The following NAALADL2 variants were observed in gnomAD, a reference collection of about 807,000 sequenced individuals.
The protein encoded by NAALADL2 is inactive N-acetylated-alpha-linked acidic dipeptidase-like protein 2.
In NAALADL2, 76 loss-of-function variants were observed where a neutral mutation model predicts 87.2. The ratio of observed to expected loss-of-function variants is 0.87; its 90% CI spans 0.72 to 1.05. NAALADL2 has a LOEUF of 1.05. Among genes scored for constraint, NAALADL2 ranks in the 50% least tolerant of loss-of-function variants. The pLI, the probability that NAALADL2 is intolerant of heterozygous loss-of-function variation, is 0.00. For missense variants in NAALADL2, 1,089 were observed against 945.8 expected, an observed-to-expected ratio of 1.15 and a Z score of -1.99; for synonymous variants, 354 against 331.0, an observed-to-expected ratio of 1.07 and a Z score of -0.75.
chr3:175,264,709 G>A (rs957558699), intron 4 of NAALADL2, among the ~76,000 whole-genome samples: 1 of 151,536 alleles, frequency 6.6e-6, no homozygotes, highest in African/African-American at 2.4e-5. Flanking sequence ...TATAAATAAT[G>A]TCATAAGATG....
At chr3:175,460,219 T>C (rs528382918) in intron 6 of NAALADL2, 7 of 455,118 alleles carry the variant, frequency 1.5e-5, no homozygotes, top group South Asian at 1.1e-4. Flanking sequence ...CTGATATTTA[T>C]TATTAAAATT....
At chr3:175,651,141 C>T (rs1000845141) in intron 11 of NAALADL2, among the ~76,000 whole-genome samples, 11 of 151,740 alleles carry the variant, frequency 7.2e-5, no homozygotes, top group African/African-American at 2.2e-4. Context: ...GTGTATAATT[C>T]GTGTATTTTA....
chr3:174,965,969 A>G (rs73881572), intron 1 of NAALADL2, among the ~76,000 whole-genome samples: 124 of 152,270 alleles, frequency 8.1e-4, no homozygotes, highest in African/African-American at 2.9e-3. Context: ...TGAATTTGCT[A>G]TGGAAGTTAA....
chr3:174,718,384 C>G (rs1244667758), intron 2 of NAALADL2, among the ~76,000 whole-genome samples: 1 of 152,084 alleles, frequency 6.6e-6, no homozygotes, highest in East Asian at 1.9e-4. Context: ...CAGTCATGAT[C>G]TGTACAACTC....
intron 9 of NAALADL2, among the ~76,000 whole-genome samples, chr3:175,559,915 TTGTC>T (rs1243604564): frequency 6.6e-6 from 1 of 152,178 alleles, no homozygotes; most frequent in Non-Finnish European, 1.5e-5. Context: ...TTATGTGTCT[TTGTC>T]TGGTTTTGGT....
At chr3:175,617,924 C>T (rs1725570825) in intron 10 of NAALADL2, among the ~76,000 whole-genome samples, 1 of 152,122 alleles carries the variant, frequency 6.6e-6, no homozygotes, top group African/African-American at 2.4e-5. Context: ...GAAAGTGTTT[C>T]CTCTTCCATT....
At chr3:175,533,383 G>A (rs1188158519) in intron 9 of NAALADL2, among the ~76,000 whole-genome samples, 4 of 152,306 alleles carry the variant, frequency 2.6e-5, no homozygotes, top group African/African-American at 9.6e-5. Context: ...GGTGTTGGGG[G>A]TGGCTCCTGA....
intron 2 of NAALADL2, among the ~76,000 whole-genome samples, chr3:174,583,713 G>A (rs1716407613): frequency 6.6e-6 from 1 of 152,020 alleles, no homozygotes; most frequent in Non-Finnish European, 1.5e-5. Flanking sequence ...TGTCTATAAT[G>A]CATACACTGA....
At chr3:175,191,248 A>AATT (rs1296913024) in intron 2 of NAALADL2, among the ~76,000 whole-genome samples, 2 of 151,592 alleles carry the variant, frequency 1.3e-5, no homozygotes, top group African/African-American at 4.9e-5. Context: ...ACTTTATGTA[A>AATT]ATTATTTTTT....
At chr3:174,824,824 G>A (rs1721806530) in intron 3 of NAALADL2, among the ~76,000 whole-genome samples, 1 of 152,178 alleles carries the variant, frequency 6.6e-6, no homozygotes, top group African/African-American at 2.4e-5. Flanking sequence ...ATAAATGGAG[G>A]ATACTGGAAA....
intron 2 of NAALADL2, among the ~76,000 whole-genome samples, chr3:175,110,596 G>A (rs1724027696): frequency 6.6e-6 from 1 of 151,728 alleles, no homozygotes; most frequent in Non-Finnish European, 1.5e-5. Context: ...TGGTACTTCT[G>A]TGGTAATCAT....
chr3:174,979,215 A>G (rs1352262464), intron 1 of NAALADL2, among the ~76,000 whole-genome samples: 2 of 142,962 alleles, frequency 1.4e-5, no homozygotes, highest in African/African-American at 5.3e-5. Context: ...AATTTTTCTT[A>G]TTTGTTCAAA....
intron 1 of NAALADL2, among the ~76,000 whole-genome samples, chr3:174,859,979 G>C (rs1045530126): frequency 6.6e-6 from 1 of 152,080 alleles, no homozygotes; most frequent in African/African-American, 2.4e-5. Context: ...TTATTTCACA[G>C]GTGTTGCTTA....
chr3:175,802,598 G>T (rs1754304849), intron 13 of NAALADL2, among the ~76,000 whole-genome samples: 1 of 151,950 alleles, frequency 6.6e-6, no homozygotes, highest in Non-Finnish European at 1.5e-5. Flanking sequence ...TGGGTCATTT[G>T]TCTTATAAAG....
In NAALADL2 at chr3:174,749,368, T is replaced by A. The variant is rs149223341; in HGVS notation, c.-9+11622T>A. On this transcript the variant is annotated intron_variant, in intron 3 of 3. Transcript: ENST00000434257. The stretch of plus-strand genomic sequence containing the variant: ...AAGCACATAGTAAATCCACAGGCAA[T>A]GTCTAAAACGATTGTTAATGCTTAT... 1.0e-3 allele frequency among the ~76,000 whole-genome samples: 158 copies of A among 152,284 alleles called. 1 individual carries two copies. In the Middle Eastern group the frequency reaches 0.027, roughly 26 times the overall value.
At chr3:175,081,306 G>C (rs1342131252) in intron 1 of NAALADL2, 1 of 152,134 alleles carries the variant, frequency 6.6e-6, no homozygotes, top group African/African-American at 2.4e-5. Flanking sequence ...AAATGATTAA[G>C]CCAAGTGTAT....
At chr3:174,618,066 A>T (rs1424500438) in intron 2 of NAALADL2, among the ~76,000 whole-genome samples, 1 of 151,732 alleles carries the variant, frequency 6.6e-6, no homozygotes, top group Non-Finnish European at 1.5e-5. Context: ...ACCAGAGCTG[A>T]CTATCTAAAG....
At chr3:174,471,272 T>A (rs1716884186) in intron 1 of NAALADL2, among the ~76,000 whole-genome samples, 2 of 152,090 alleles carry the variant, frequency 1.3e-5, no homozygotes, top group South Asian at 4.1e-4. Flanking sequence ...TCCTTTAAAA[T>A]TACTCTGTCT....
intron 5 of NAALADL2, among the ~76,000 whole-genome samples, chr3:175,355,012 CTA>C (rs200506028): frequency 3.3e-4 from 38 of 115,462 alleles, no homozygotes; most frequent in African/African-American, 7.2e-4. Flanking sequence ...TATATAATTG[CTA>C]TATATATATG....
Sources: allele counts gnomAD v4.1 joint callset (sites outside exome capture counted in the v4.1 genomes callset), GRCh38; gene constraint gnomAD v4.1.1; transcripts MANE v1.5; gene names NCBI Gene and HGNC (gene_info 2026-07-23, HGNC 2026-07-21).